S1PR5: variants seen among roughly 807,000 people sequenced by gnomAD.
The protein encoded by S1PR5 is sphingosine 1-phosphate receptor 5.
For missense variants in S1PR5, 583 were observed against 571.7 expected, an observed-to-expected ratio of 1.02 and a Z score of -0.20; for synonymous variants, 307 against 284.7, an observed-to-expected ratio of 1.08 and a Z score of -0.79.
At chr19:10,516,203 C>T (rs1915434330) in intron 1 of S1PR5, among the ~76,000 whole-genome samples, 2 of 152,150 alleles carry the variant, frequency 1.3e-5, no homozygotes, top group Admixed American at 6.6e-5. Context: ...TTCACAACCT[C>T]CACTCACACT....
chr19:10,516,607 CAAA>C lies in S1PR5; in HGVS notation c.-19+788_-19+790del, dbSNP rs113615794. Among the ~76,000 whole-genome samples, 129 of 91,798 alleles carry C rather than the reference CAAA, an allele frequency of 1.4e-3. 1 individual carries two copies. The highest frequency in any genetic ancestry group is 7.4e-3 in the East Asian group (22 of 2,984). The allele number at this position is 91,798 out of a possible 152,430, so 60.2% of individuals were successfully genotyped here. On this transcript the variant is annotated intron_variant, in intron 1 of 1. Transcript: ENST00000333430. Reference sequence around the variant, plus strand: ...GGGTGACAAGAGAGAAACTCCGTCTCAAAAAAAAAAAAAAAAAAAAAAGTTGAT... The same window carrying C: ...GGGTGACAAGAGAGAAACTCCGTCTCAAAAAAAAAAAAAAAAAAAGTTGAT...
rs1915381523 is a variant in S1PR5, at chr19:10,514,581, G to A, written c.431C>T (p.Pro144Leu). Residue 144 changes from proline to leucine, a missense_variant, in exon 2 of 2, where the codon CCC becomes CTC. By Grantham distance (98) the Pro-to-Leu change is moderately conservative. Coordinates refer to ENST00000333430, the MANE Select transcript of S1PR5 (RefSeq NM_030760.5). ...CAGCGTGCGCCCCCGACTGGAGACG[G>A]GCGCGGGCCCCCTGCGCGCCATGGT... ...SLTMARRGPA[P>L]VSSRGRTLAM... 1 of 1,577,076 alleles carries A rather than the reference G, an allele frequency of 6.3e-7. No homozygotes were observed. Among genetic ancestry groups the A allele is most frequent in the Non-Finnish European group, 8.6e-7 (1 of 1,163,402 alleles).
intron 1 of S1PR5, among the ~76,000 whole-genome samples, chr19:10,515,974 G>A (rs939924402): frequency 6.6e-6 from 1 of 151,952 alleles, no homozygotes. Context: ...TTCCAGAGAC[G>A]TAACAGTAAA....
intron 1 of S1PR5, 72 bp downstream of exon 1, chr19:10,517,325 GT>G: frequency 1.0e-6 from 1 of 969,486 alleles, no homozygotes; most frequent in Non-Finnish European, 1.2e-6. Context: ...GACCGGGAAA[GT>G]GGCCGCCAGG....
At position 10,513,897 on chromosome 19, in the gene S1PR5, C is replaced by A; in HGVS notation, c.1115G>T (p.Gly372Val). 6.2e-7 allele frequency: 1 copy of A among 1,610,524 alleles called. No homozygotes were observed. The highest frequency in any genetic ancestry group is 1.1e-5 in the South Asian group (1 of 90,944). ...GSERSSPQRD[G>V]LDTSGSTGSP... is the part of the protein sequence containing the mutation. ...GCCTGTGGAGCCGCTGGTGTCCAGC[C>A]CGTCGCGCTGGGGCGATGAGCGCTC... The change falls in exon 2 of 2, where the codon GGG becomes GTG. Residue 372 changes from glycine (G) to valine (V), a missense_variant. By Grantham distance (109) the Gly-to-Val change is moderately radical. Coordinates refer to ENST00000333430, the MANE Select transcript of S1PR5 (RefSeq NM_030760.5).
chr19:10,513,945 A>T lies in S1PR5; in HGVS notation c.1067T>A (p.Leu356His). 6.2e-7 allele frequency: 1 copy of T among 1,602,474 alleles called. No homozygotes were observed. The highest frequency in any genetic ancestry group is 8.5e-7 in the Non-Finnish European group (1 of 1,175,510). Residue 356 changes from leucine (L) to histidine (H), a missense_variant, in exon 2 of 2, where the codon CTT (leucine) becomes CAT (histidine). Transcript: ENST00000333430. ...GGLRRCLPPG[L>H]DGSFSGSERS... Reference sequence around the variant, plus strand: ...CTCCGAGCCGCTGAAGCTCCCATCAAGGCCCGGGGGCAGGCAGCGGCGCAG... The same window carrying T: ...CTCCGAGCCGCTGAAGCTCCCATCATGGCCCGGGGGCAGGCAGCGGCGCAG...
Position 10,514,150 on chromosome 19 carries a change from C to A in S1PR5, c.862G>T (p.Ala288Ser). The A allele has an allele frequency of 6.2e-7, 1 of 1,612,874 alleles. No individual in the cohort carries two copies. Among genetic ancestry groups the A allele is most frequent in the South Asian group, 1.1e-5 (1 of 91,086 alleles). ...PARTCPVLLQ[A>S]DPFLGLAMAN... is the part of the protein sequence containing the mutation. Reference sequence around the variant, plus strand: ...ATGGCCAGTCCCAGGAAGGGATCGGCCTGCAGGAGTACAGGACAGGTGCGC... The same window carrying A: ...ATGGCCAGTCCCAGGAAGGGATCGGACTGCAGGAGTACAGGACAGGTGCGC... Residue 288 changes from alanine to serine, a missense_variant, in exon 2 of 2, where the codon GCC (alanine) becomes TCC (serine). Coordinates refer to ENST00000333430, the MANE Select transcript of S1PR5 (RefSeq NM_030760.5).
At position 10,514,017 on chromosome 19, in the gene S1PR5, G is replaced by T. The variant is rs1182164627; in HGVS notation, c.995C>A (p.Pro332Gln). 3.7e-6 allele frequency: 6 copies of T among 1,608,886 alleles called. No individual in the cohort carries two copies. The African/African-American group carries it at 6.7e-5, about 18-fold the overall frequency. Residue 332 changes from proline to glutamine, a missense_variant, in exon 2 of 2, where the codon CCG becomes CAG. By Grantham distance (76) the Pro-to-Gln change is moderately conservative. Coordinates refer to ENST00000333430, the MANE Select transcript of S1PR5 (RefSeq NM_030760.5). Reference sequence around the variant, plus strand: ...GCTCGCCGACTGCTGGGAGCCACTCGGGTCTCTGCCGCAGGAGTGGCGTCC... The same window carrying T: ...GCTCGCCGACTGCTGGGAGCCACTCTGGTCTCTGCCGCAGGAGTGGCGTCC... ...CCGRHSCGRD[P>Q]SGSQQSASAA...
Position 10,514,367 on chromosome 19 carries a change from G to A in S1PR5, c.645C>T (p.Ile215=). ...GCGCGTTGGCGCGTACCTGGCAGTA[G>A]ATGCGCGCGTAGAGTGCACAGATAG... ...LAAICALYAR[I]YCQVRANARR... Residue 215 remains isoleucine (I), a synonymous_variant, in exon 2 of 2, where the codon ATC becomes ATT. Transcript: ENST00000333430. The A allele has an allele frequency of 6.3e-7, 1 of 1,588,080 alleles. No individual in the cohort carries two copies. Among genetic ancestry groups the A allele is most frequent in the South Asian group, 1.1e-5 (1 of 87,860 alleles).
At chr19:10,515,788 G>C (rs1489951712) in intron 1 of S1PR5, among the ~76,000 whole-genome samples, 1 of 152,078 alleles carries the variant, frequency 6.6e-6, no homozygotes, top group African/African-American at 2.4e-5. Flanking sequence ...GGACGTGTTG[G>C]TGTATGCCTA....
rs570135988 is a variant in S1PR5, at chr19:10,515,431, G to GA, written c.-18-403dup. Among the ~76,000 whole-genome samples the GA allele has an allele frequency of 1.6e-3, 242 of 152,172 alleles. 2 individuals carry two copies. Among genetic ancestry groups the GA allele is most frequent in the African/African-American group, 5.2e-3 (215 of 41,524 alleles). On this transcript the variant is annotated intron_variant, in intron 1 of 1. Coordinates refer to ENST00000333430, the MANE Select transcript of S1PR5 (RefSeq NM_030760.5). ...TCGAGACCATCCTGGCTAACACGGT[G>GA]AACCCCTCCGTCTCTGCTAAAAACA... is the stretch of plus-strand genomic sequence containing the variant.
rs1915340040 is a variant in S1PR5 at position 10,513,666 on chromosome 19, C to G, written c.*149G>C. ...TTCCACGAGGGCACAGATTTTTTGT[C>G]TGTTTGTTCACATTGTGGGGTGTCG... is the stretch of plus-strand genomic sequence containing the variant. On this transcript the variant is annotated 3_prime_UTR_variant, in exon 2 of 2. Transcript: ENST00000333430. 4 of 1,132,940 alleles carry G rather than the reference C, an allele frequency of 3.5e-6. No individual in the cohort carries two copies. Among genetic ancestry groups the G allele is most frequent in the Non-Finnish European group, 4.9e-6 (4 of 813,084 alleles). 70.2% of individuals were successfully genotyped at this position (1,132,940 alleles called of 1,614,324 possible).
Position 10,514,843 on chromosome 19 carries a change from C to T in S1PR5, c.169G>A (p.Val57Met), listed in dbSNP as rs562669008. Residue 57 changes from valine to methionine, a missense_variant, in exon 2 of 2, where the codon GTG becomes ATG. Val to Met is a conservative substitution (Grantham distance 21). Coordinates refer to ENST00000333430, the MANE Select transcript of S1PR5 (RefSeq NM_030760.5). ...CAFIVLENLA[V>M]LLVLGRHPRF... is the part of the protein sequence containing the mutation. ...GGGTGGCGTCCGAGCACCAACAACA[C>T]GGCTAGATTCTCTAGCACGATGAAG... The T allele has an allele frequency of 2.5e-6, 4 of 1,613,020 alleles. No homozygotes were observed. In the South Asian group the frequency reaches 4.4e-5, roughly 18 times the overall value.
intron 1 of S1PR5, among the ~76,000 whole-genome samples, chr19:10,515,599 C>T (rs145397163): frequency 2.0e-5 from 3 of 151,744 alleles, no homozygotes; most frequent in East Asian, 1.9e-4. Flanking sequence ...GGTGGCAGAG[C>T]GAGACTCTGT....
Position 10,514,862 on chromosome 19 carries a change from G to T in S1PR5, c.150C>A (p.Ile50=). The T allele has an allele frequency of 6.2e-7, 1 of 1,612,780 alleles. No individual in the cohort carries two copies. The highest frequency in any genetic ancestry group is 8.5e-7 in the Non-Finnish European group (1 of 1,179,626). Residue 50 remains isoleucine (I), a synonymous_variant, in exon 2 of 2, where the codon ATC becomes ATA. Transcript: ENST00000333430. ...AVVCLAVCAF[I]VLENLAVLLV... The stretch of plus-strand genomic sequence containing the variant: ...ACAACACGGCTAGATTCTCTAGCAC[G>T]ATGAAGGCGCACACCGCCAGGCACA...
In S1PR5 at chr19:10,512,865, T is replaced by C. The variant is rs1933734884; in HGVS notation, c.*950A>G. ...AGTTCCAGGCTGCAGTGAGCTATAA[T>C]TGTGCCCATTGCACTCCAGCCTGGG... On this transcript the variant is annotated 3_prime_UTR_variant, in exon 2 of 2. Transcript: ENST00000333430. The C allele has an allele frequency of 6.7e-6, 1 of 148,536 alleles. No homozygotes were observed. Among genetic ancestry groups the C allele is most frequent in the South Asian group, 2.1e-4 (1 of 4,728 alleles). 9.2% of individuals were successfully genotyped at this position (148,536 alleles called of 1,614,324 possible).
rs747607768 is a variant in S1PR5 at position 10,514,897 on chromosome 19, C to G, written c.115G>C (p.Asp39His). The change falls in exon 2 of 2, where the codon GAC becomes CAC. Residue 39 changes from aspartate to histidine, a missense_variant. Physicochemically the swap from Asp to His is moderately conservative, Grantham distance 81. Coordinates refer to ENST00000333430, the MANE Select transcript of S1PR5 (RefSeq NM_030760.5). ...CACACCGCCAGGCACACCACGGCGT[C>G]GGCGCGCAGGCCGGCACCCGGCTGG... ...RYQPGAGLRADAVVCLAVCAF... is the reference protein window; with the variant it reads ...RYQPGAGLRAHAVVCLAVCAF... The G allele has an allele frequency of 6.2e-7, 1 of 1,611,452 alleles. No individual in the cohort carries two copies. The highest frequency in any genetic ancestry group is 8.5e-7 in the Non-Finnish European group (1 of 1,179,026).
In S1PR5 at chr19:10,514,013, A is replaced by C. The variant is rs1415894057; in HGVS notation, c.999T>G (p.Ser333Arg). The C allele has an allele frequency of 1.9e-6, 3 of 1,608,424 alleles. No homozygotes were observed. The highest frequency in any genetic ancestry group is 2.5e-6 in the Non-Finnish European group (3 of 1,178,528). The change falls in exon 2 of 2, where the codon AGT (serine) becomes AGG (arginine). Residue 333 changes from serine to arginine, a missense_variant. Physicochemically the swap from Ser to Arg is moderately radical, Grantham distance 110. Transcript: ENST00000333430. Reference protein sequence around the residue: ...CGRHSCGRDPSGSQQSASAAE... With the variant: ...CGRHSCGRDPRGSQQSASAAE... ...CCGCGCTCGCCGACTGCTGGGAGCC[A>C]CTCGGGTCTCTGCCGCAGGAGTGGC... is the stretch of plus-strand genomic sequence containing the variant.
In S1PR5 at chr19:10,513,522, C is replaced by A; in HGVS notation, c.*293G>T. The A allele has an allele frequency of 3.5e-6, 2 of 564,844 alleles. No individual in the cohort carries two copies. Among genetic ancestry groups the A allele is most frequent in the South Asian group, 4.4e-5 (2 of 44,980 alleles). The allele number at this position is 564,844 out of a possible 1,614,324, so 35.0% of individuals were successfully genotyped here. ...AGAGGTCTCAGCTCACATCACAAGTCACTACCTCTGCAGAGAGGTCTTCCC... is the reference window on the plus strand; with the variant it reads ...AGAGGTCTCAGCTCACATCACAAGTAACTACCTCTGCAGAGAGGTCTTCCC... On this transcript the variant is annotated 3_prime_UTR_variant, in exon 2 of 2. Transcript: ENST00000333430.
Sources: allele counts gnomAD v4.1 joint callset (sites outside exome capture counted in the v4.1 genomes callset), GRCh38; gene constraint gnomAD v4.1.1; transcripts MANE v1.5; gene names NCBI Gene and HGNC (gene_info 2026-07-23, HGNC 2026-07-21).